RPA2: variants seen among roughly 807,000 people sequenced by gnomAD.
The protein encoded by RPA2 is replication protein A 32 kDa subunit.
Under a neutral mutation model 33.4 loss-of-function variants are expected in RPA2, and 22 were observed. That is an observed-to-expected ratio of 0.66 (90% confidence interval 0.47 to 0.94). RPA2 has a LOEUF of 0.94. RPA2 is among the 40% of genes least tolerant of loss of function. RPA2 has a pLI of 0.00. For missense variants in RPA2, 279 were observed against 329.9 expected (o/e 0.85, Z 1.19); for synonymous variants, 109 against 114.9 (o/e 0.95, Z 0.33).
chr1:27,892,658 G>A (rs2089839152), intron 8 of RPA2, among the ~76,000 whole-genome samples: 1 of 152,220 alleles, frequency 6.6e-6, no homozygotes, highest in African/African-American at 2.4e-5. Flanking sequence ...TCTCAGGGAA[G>A]TAAAGTTGTG....
intron 2 of RPA2, among the ~76,000 whole-genome samples, chr1:27,907,671 A>T (rs571940122): frequency 1.2e-4 from 19 of 152,104 alleles, no homozygotes; most frequent in Non-Finnish European, 1.8e-4. Flanking sequence ...ACAAAATGAG[A>T]TGGTATTGGG....
intron 4 of RPA2, among the ~76,000 whole-genome samples, chr1:27,901,375 T>C (rs1302544683): frequency 3.3e-5 from 5 of 152,158 alleles, no homozygotes; most frequent in Non-Finnish European, 7.3e-5. Flanking sequence ...TTTTCTTCTT[T>C]TTTTGAGAGA....
intron 2 of RPA2, among the ~76,000 whole-genome samples, chr1:27,911,933 A>G (rs2090101105): frequency 6.6e-6 from 1 of 151,972 alleles, no homozygotes. Flanking sequence ...TCTACTAAAA[A>G]AATACAAAAA....
chr1:27,892,027 G>T lies in RPA2; in HGVS notation c.*136C>A, dbSNP rs559404132. On this transcript the variant is annotated 3_prime_UTR_variant, in exon 9 of 9. Coordinates refer to ENST00000373912, the MANE Select transcript of RPA2 (RefSeq NM_002946.5). ...AACAGAAGAGCAGTAAGTTTCAAAAGGAAGTCAGAGGAGACATTTGATAGA... is the reference window on the plus strand; with the variant it reads ...AACAGAAGAGCAGTAAGTTTCAAAATGAAGTCAGAGGAGACATTTGATAGA... 1 of 616,338 alleles carries T rather than the reference G, an allele frequency of 1.6e-6. No homozygotes were observed. Among genetic ancestry groups the T allele is most frequent in the African/African-American group, 1.8e-5 (1 of 55,208 alleles). 38.2% of individuals were successfully genotyped at this position (616,338 alleles called of 1,614,324 possible). A position where few individuals can be genotyped will look rare whatever the true frequency, so the allele number is the denominator to read the frequency against.
intron 6 of RPA2, among the ~76,000 whole-genome samples, chr1:27,896,179 G>T (rs959351496): frequency 6.6e-6 from 1 of 152,026 alleles, no homozygotes. Flanking sequence ...CAAAGTAGGC[G>T]CAATAAATAT....
intron 2 of RPA2, among the ~76,000 whole-genome samples, chr1:27,913,587 CAAA>C (rs111823126): frequency 3.7e-5 from 3 of 80,152 alleles, no homozygotes; most frequent in Non-Finnish European, 7.9e-5. Flanking sequence ...GGTTCCATCT[CAAA>C]AAAAAAAAAA....
chr1:27,900,244 T>C (rs1381523205), intron 4 of RPA2, among the ~76,000 whole-genome samples: 1 of 152,000 alleles, frequency 6.6e-6, no homozygotes, highest in Non-Finnish European at 1.5e-5. Flanking sequence ...CCTGAGTAGC[T>C]GGGATTACAG....
chr1:27,903,275 C>T (rs1393022745), intron 4 of RPA2, among the ~76,000 whole-genome samples: 1 of 148,102 alleles, frequency 6.8e-6, no homozygotes, highest in Non-Finnish European at 1.5e-5. Flanking sequence ...AAGATACTCA[C>T]TGGAGCATTG....
At chr1:27,903,577 G>C (rs1052377107) in intron 4 of RPA2, among the ~76,000 whole-genome samples, 1 of 151,782 alleles carries the variant, frequency 6.6e-6, no homozygotes. Context: ...AAATCAGTTG[G>C]GTGTGGTGGT....
Position 27,891,542 on chromosome 1 carries a change from AT to A in RPA2, c.*620del, listed in dbSNP as rs1394630145. On this transcript the variant is annotated 3_prime_UTR_variant, in exon 9 of 9. Coordinates refer to ENST00000373912, the MANE Select transcript of RPA2 (RefSeq NM_002946.5). The stretch of plus-strand genomic sequence containing the variant: ...ACGAGAATTTTTACAAGTTACTACA[AT>A]AGAACTGTTTTATTAAACATATGAC... 1 of 152,266 alleles carries A rather than the reference AT, an allele frequency of 6.6e-6. No homozygotes were observed. The highest frequency in any genetic ancestry group is 1.5e-5 in the Non-Finnish European group (1 of 68,060). 9.4% of individuals were successfully genotyped at this position (152,266 alleles called of 1,614,324 possible).
At chr1:27,907,343 C>T (rs1438466707) in intron 2 of RPA2, 61 bp from the exon 3 acceptor site, 9 of 1,270,948 alleles carry the variant, frequency 7.1e-6, no homozygotes, top group Admixed American at 4.0e-5. Context: ...TCATTCAACA[C>T]CTGCCATGTG....
At chr1:27,894,617 T>C (rs997755270) in intron 6 of RPA2, among the ~76,000 whole-genome samples, 4 of 152,174 alleles carry the variant, frequency 2.6e-5, no homozygotes, top group Non-Finnish European at 5.9e-5. Context: ...AAGAGAAAGA[T>C]ACTCTTGGCT....
chr1:27,902,063 A>T (rs541890900), intron 4 of RPA2, among the ~76,000 whole-genome samples: 17 of 152,172 alleles, frequency 1.1e-4, no homozygotes, highest in Non-Finnish European at 1.9e-4. Flanking sequence ...AAATACACAT[A>T]AAAAAATGAC....
In RPA2 at chr1:27,914,522, C is replaced by T. The variant is rs1020055461; in HGVS notation, c.-79G>A. 1.9e-6 allele frequency: 3 copies of T among 1,603,742 alleles called. No homozygotes were observed. Among genetic ancestry groups the T allele is most frequent in the African/African-American group, 1.3e-5 (1 of 74,694 alleles). On this transcript the variant is annotated 5_prime_UTR_variant, in exon 1 of 9. Coordinates refer to ENST00000373912, the MANE Select transcript of RPA2 (RefSeq NM_002946.5). ...GCGGAAAACCACAGAACGCGGCCGC[C>T]ACTGCGCCGCTCTGGCTACTTTTCT...
intron 2 of RPA2, among the ~76,000 whole-genome samples, chr1:27,908,068 G>A (rs181364067): frequency 8.6e-5 from 13 of 151,808 alleles, no homozygotes; most frequent in African/African-American, 2.9e-4. Context: ...CTTGACCTCA[G>A]GTGATCTGCC....
At chr1:27,908,131 C>T (rs1030588570) in intron 2 of RPA2, among the ~76,000 whole-genome samples, 2 of 151,810 alleles carry the variant, frequency 1.3e-5, no homozygotes, top group African/African-American at 4.8e-5. Context: ...CTGCCCTCGG[C>T]CAAATTTTGT....
intron 6 of RPA2, among the ~76,000 whole-genome samples, chr1:27,896,358 G>A (rs1038612197): frequency 6.6e-6 from 1 of 151,950 alleles, no homozygotes; most frequent in African/African-American, 2.4e-5. Flanking sequence ...TGTAGAGACA[G>A]GGTCTCCCTA....
At chr1:27,910,425 CAT>C (rs1156839486) in intron 2 of RPA2, among the ~76,000 whole-genome samples, 1 of 152,108 alleles carries the variant, frequency 6.6e-6, no homozygotes, top group African/African-American at 2.4e-5. Flanking sequence ...TTTTATTGAG[CAT>C]ATATTTTATG....
At chr1:27,898,352 AATG>A (rs1489247262) in intron 4 of RPA2, among the ~76,000 whole-genome samples, 4 of 152,214 alleles carry the variant, frequency 2.6e-5, no homozygotes, top group Non-Finnish European at 4.4e-5. Context: ...CACTGTTGCA[AATG>A]ATAACATAGA....
Sources: allele counts gnomAD v4.1 joint callset (sites outside exome capture counted in the v4.1 genomes callset), GRCh38; gene constraint gnomAD v4.1.1; transcripts MANE v1.5; gene names NCBI Gene and HGNC (gene_info 2026-07-23, HGNC 2026-07-21).